The following KLRG1 variants were observed in gnomAD, a reference collection of about 807,000 sequenced individuals.
KLRG1 encodes killer cell lectin like receptor G1, also known as killer cell lectin-like receptor subfamily G member 1.
In KLRG1, 16 loss-of-function variants were observed where a neutral mutation model predicts 21.8. The observed-to-expected ratio is 0.73, with a 90% CI of 0.50 to 1.11. The LOEUF is 1.11. Ranked by LOEUF, KLRG1 falls within the 50% of genes most tolerant of loss-of-function variation. The pLI is 0.00. For missense variants in KLRG1, 173 were observed against 218.3 expected (o/e 0.79, Z 1.31); for synonymous variants, 69 against 75.9 (o/e 0.91, Z 0.47).
At chr12:9,036,119 C>A in the KLRG1 span, among the ~76,000 whole-genome samples, 1 of 152,188 alleles carries the variant, frequency 6.6e-6, no homozygotes, top group Non-Finnish European at 1.5e-5. Context: ...AACAAACCTG[C>A]ACATGTACCC....
chr12:9,184,277 T>A, the KLRG1 span, among the ~76,000 whole-genome samples: 1 of 151,950 alleles, frequency 6.6e-6, no homozygotes, highest in Admixed American at 6.6e-5. Context: ...ACCCTGCCCC[T>A]GCAATGGAGC....
the KLRG1 span, among the ~76,000 whole-genome samples, chr12:9,106,866 T>G: frequency 6.6e-6 from 1 of 152,186 alleles, no homozygotes; most frequent in Non-Finnish European, 1.5e-5. Flanking sequence ...GAGGAGTAAT[T>G]TTTTTTGTAC....
At chr12:9,201,325 A>G in the KLRG1 span, 1 of 1,548,388 alleles carries the variant, frequency 6.5e-7, no homozygotes, top group East Asian at 2.2e-5. Flanking sequence ...TCTGATACTT[A>G]CCTCAAGGTA....
chr12:9,027,957 C>T, the KLRG1 span: 1 of 949,754 alleles, frequency 1.1e-6, no homozygotes, highest in East Asian at 2.4e-5. Context: ...CAGTGCTTTC[C>T]TAACTTCACA....
the KLRG1 span, among the ~76,000 whole-genome samples, chr12:9,213,413 A>C: frequency 1.3e-5 from 2 of 152,198 alleles, no homozygotes; most frequent in Admixed American, 1.3e-4. Context: ...TATTTTTCAC[A>C]GTGGCTGAAA....
the KLRG1 span, among the ~76,000 whole-genome samples, chr12:9,102,390 A>G: frequency 3.3e-5 from 5 of 151,928 alleles, no homozygotes; most frequent in African/African-American, 1.2e-4. Flanking sequence ...AATTTTTTGT[A>G]TATTTTGTAG....
chr12:8,960,146 G>A (rs992674486), intron 1 of KLRG1, among the ~76,000 whole-genome samples: 14 of 152,148 alleles, frequency 9.2e-5, no homozygotes, highest in African/African-American at 1.9e-4. Flanking sequence ...TAAGTTAGGC[G>A]AGCCCCACAA....
the KLRG1 span, among the ~76,000 whole-genome samples, chr12:9,174,440 C>G: frequency 2.0e-5 from 3 of 152,112 alleles, no homozygotes; most frequent in South Asian, 4.1e-4. Flanking sequence ...CTCACCACTC[C>G]CATTCAACAT....
At chr12:9,190,511 G>A in the KLRG1 span, among the ~76,000 whole-genome samples, 1 of 152,094 alleles carries the variant, frequency 6.6e-6, no homozygotes, top group Non-Finnish European at 1.5e-5. Context: ...GAGGGCGGGA[G>A]GAGGGAGAGC....
chr12:9,202,168 T>C, the KLRG1 span: 2 of 677,350 alleles, frequency 3.0e-6, no homozygotes, highest in African/African-American at 1.8e-5. Flanking sequence ...AATTTTTGTT[T>C]TGTATAAGAC....
At chr12:9,200,847 T>C in the KLRG1 span, 2 of 1,577,184 alleles carry the variant, frequency 1.3e-6, no homozygotes, top group Admixed American at 1.9e-5. Flanking sequence ...GCTCACACTC[T>C]AGGAACCAAA....
intron 3 of KLRG1, among the ~76,000 whole-genome samples, chr12:9,004,687 T>C (rs962725151): frequency 6.6e-6 from 1 of 152,056 alleles, no homozygotes; most frequent in Non-Finnish European, 1.5e-5. Context: ...TACTATGTTG[T>C]CCAGGCTGGT....
At chr12:9,119,203 A>G in the KLRG1 span, among the ~76,000 whole-genome samples, 1 of 152,244 alleles carries the variant, frequency 6.6e-6, no homozygotes, top group Non-Finnish European at 1.5e-5. Flanking sequence ...TAATGTATTG[A>G]TTCATAATGT....
chr12:9,009,542 T>A lies in KLRG1; in HGVS notation c.*5T>A. ...TGTAAGAAGGTCAGACTTTGATAGATGACCACTCTGTCCTGACCCTCAGAT... is the reference window on the plus strand; with the variant it reads ...TGTAAGAAGGTCAGACTTTGATAGAAGACCACTCTGTCCTGACCCTCAGAT... On this transcript the variant is annotated 3_prime_UTR_variant, in exon 5 of 5. Coordinates refer to ENST00000356986, the MANE Select transcript of KLRG1 (RefSeq NM_005810.4). 3 of 1,613,726 alleles carry A rather than the reference T, an allele frequency of 1.9e-6. No individual in the cohort carries two copies. The highest frequency in any genetic ancestry group is 2.5e-6 in the Non-Finnish European group (3 of 1,179,814).
At chr12:9,172,702 A>G in the KLRG1 span, among the ~76,000 whole-genome samples, 3 of 152,212 alleles carry the variant, frequency 2.0e-5, no homozygotes, top group Non-Finnish European at 4.4e-5. Context: ...AACAGACTTT[A>G]AACCAACAAA....
chr12:8,997,786 CT>C (rs3216514), intron 3 of KLRG1, among the ~76,000 whole-genome samples: 87 of 147,220 alleles, frequency 5.9e-4, no homozygotes, highest in African/African-American at 1.2e-3. Flanking sequence ...GTATAGTATT[CT>C]TTTTTTTTTT....
At chr12:9,074,802 ATATT>A in the KLRG1 span, 1 of 1,585,520 alleles carries the variant, frequency 6.3e-7, no homozygotes, top group Admixed American at 1.8e-5. Flanking sequence ...TGAGAAAAAG[ATATT>A]TATAAGTGCC....
the KLRG1 span, among the ~76,000 whole-genome samples, chr12:9,065,557 C>A: frequency 4.1e-3 from 618 of 152,298 alleles, 3 homozygotes; most frequent in African/African-American, 0.014. Flanking sequence ...CACCAACAAG[C>A]GTGGGAGGGA....
At chr12:9,083,327 C>T in the KLRG1 span, among the ~76,000 whole-genome samples, 1 of 151,188 alleles carries the variant, frequency 6.6e-6, no homozygotes, top group Non-Finnish European at 1.5e-5. Flanking sequence ...CAACATGGCA[C>T]ATGTATACAT....
Sources: allele counts gnomAD v4.1 joint callset (sites outside exome capture counted in the v4.1 genomes callset), GRCh38; gene constraint gnomAD v4.1.1; transcripts MANE v1.5; gene names NCBI Gene and HGNC (gene_info 2026-07-23, HGNC 2026-07-21).